Variants in SEMA6A observed in about 807,000 individuals in gnomAD.
SEMA6A encodes semaphorin 6A, also known as semaphorin-6A.
In SEMA6A, 25 loss-of-function variants were observed where a neutral mutation model predicts 96.8. That is an observed-to-expected ratio of 0.26 (90% confidence interval 0.19 to 0.36). The LOEUF (loss-of-function observed/expected upper bound fraction) is 0.36, where lower values mean the gene tolerates loss of function less well. SEMA6A is among the 10% of genes least tolerant of loss of function. The pLI, the probability that SEMA6A is intolerant of heterozygous loss-of-function variation, is 1.00. For missense variants in SEMA6A, 1,363 were observed against 1,323.1 expected (o/e 1.03, Z -0.47); for synonymous variants, 612 against 518.0 (o/e 1.18, Z -2.46).
intron 10 of SEMA6A, among the ~76,000 whole-genome samples, chr5:116,485,362 A>AAGAC (rs1452821976): frequency 6.6e-6 from 1 of 152,248 alleles, no homozygotes; most frequent in Admixed American, 6.5e-5. Context: ...TCCATGTGCC[A>AAGAC]AGACAGTATA....
chr5:116,486,250 A>G (rs571795997), intron 10 of SEMA6A, among the ~76,000 whole-genome samples: 15 of 152,184 alleles, frequency 9.9e-5, no homozygotes, highest in Non-Finnish European at 2.1e-4. Flanking sequence ...TACATTTCCA[A>G]TGTTTTAACT....
chr5:116,488,782 C>A, intron 8 of SEMA6A, 106 bp downstream of exon 8: 1 of 1,292,774 alleles, frequency 7.7e-7, no homozygotes, highest in South Asian at 2.0e-5. Flanking sequence ...CTGTCAGAAG[C>A]CATTACTCAA....
intron 1 of SEMA6A, among the ~76,000 whole-genome samples, chr5:116,515,478 A>G (rs187163865): frequency 1.3e-3 from 194 of 152,342 alleles, no homozygotes; most frequent in African/African-American, 3.8e-3. Context: ...AAATGAAGCA[A>G]ACTGCAAAAA....
chr5:116,502,772 G>C (rs1214358980), intron 2 of SEMA6A: 1 of 160,706 alleles, frequency 6.2e-6, no homozygotes, highest in African/African-American at 2.4e-5. Context: ...AATGTGGTCT[G>C]GAGGCGAGAG....
chr5:116,476,501 T>C (rs1231746287), intron 15 of SEMA6A, among the ~76,000 whole-genome samples: 4 of 152,142 alleles, frequency 2.6e-5, no homozygotes, highest in Admixed American at 2.6e-4. Flanking sequence ...CCTCAAAAGA[T>C]GAAGATTTCT....
intron 1 of SEMA6A, among the ~76,000 whole-genome samples, chr5:116,541,974 G>A (rs540010566): frequency 6.6e-6 from 1 of 152,342 alleles, no homozygotes; most frequent in Admixed American, 6.5e-5. Context: ...ATGTGCAGAA[G>A]CACATGTCAT....
At chr5:116,461,990 G>C (rs961750444) in intron 18 of SEMA6A, among the ~76,000 whole-genome samples, 6 of 152,058 alleles carry the variant, frequency 3.9e-5, no homozygotes, top group Non-Finnish European at 5.9e-5. Flanking sequence ...TTAAGCCCAA[G>C]TTTAAGAGTC....
chr5:116,495,292 G>C, intron 6 of SEMA6A, 121 bp downstream of exon 6: 1 of 725,240 alleles, frequency 1.4e-6, no homozygotes, highest in Non-Finnish European at 2.5e-6. Flanking sequence ...ACATTAAGTT[G>C]AACAAGTGAG....
chr5:116,553,739 G>T (rs1005927103), intron 1 of SEMA6A, among the ~76,000 whole-genome samples: 8 of 152,044 alleles, frequency 5.3e-5, no homozygotes, highest in Admixed American at 3.9e-4. Flanking sequence ...TGGGAAAGAG[G>T]GGGTGGATTC....
At chr5:116,519,856 T>G (rs965752546) in intron 1 of SEMA6A, among the ~76,000 whole-genome samples, 7 of 152,284 alleles carry the variant, frequency 4.6e-5, no homozygotes, top group African/African-American at 1.4e-4. Flanking sequence ...TAACCTAACC[T>G]CAGCTCCTGC....
chr5:116,528,770 G>A (rs1411968396), intron 1 of SEMA6A, among the ~76,000 whole-genome samples: 2 of 152,192 alleles, frequency 1.3e-5, no homozygotes, highest in Non-Finnish European at 2.9e-5. Context: ...TTTGTGCTAG[G>A]CAGATAGCCA....
chr5:116,471,743 G>A (rs145988923), intron 17 of SEMA6A: 1 of 152,294 alleles, frequency 6.6e-6, no homozygotes, highest in African/African-American at 2.4e-5. Context: ...CAGCTCCAAT[G>A]TATAAGCCAG....
At chr5:116,485,331 G>C (rs1415942392) in intron 10 of SEMA6A, among the ~76,000 whole-genome samples, 6 of 152,214 alleles carry the variant, frequency 3.9e-5, no homozygotes, top group Non-Finnish European at 8.8e-5. Flanking sequence ...ACTGGTCTTA[G>C]ATTCCGGTAG....
At chr5:116,478,932 G>A (rs1561484298) in intron 12 of SEMA6A, among the ~76,000 whole-genome samples, 1 of 18,732 alleles carries the variant, frequency 5.3e-5, no homozygotes, top group Non-Finnish European at 1.3e-4. Flanking sequence ...GTGAGAGAGT[G>A]TGTGTGTGTG....
At position 116,478,726 on chromosome 5, in the gene SEMA6A, G is replaced by A. The variant is rs1756596713; in HGVS notation, c.1251-8C>T. 1 of 1,610,610 alleles carries A rather than the reference G, an allele frequency of 6.2e-7. No homozygotes were observed. The highest frequency in any genetic ancestry group is 2.2e-5 in the East Asian group (1 of 44,800). On this transcript the variant is annotated splice_region_variant and splice_polypyrimidine_tract_variant and intron_variant, in intron 12 of 18. Transcript: ENST00000343348. ...ATTTTGGTAAGGCGGTATCTAAAAT[G>A]ACAGGACCACATTTCTTATCTCTTT... is the stretch of plus-strand genomic sequence containing the variant.
intron 18 of SEMA6A, among the ~76,000 whole-genome samples, chr5:116,466,561 G>C (rs1379216775): frequency 6.6e-6 from 1 of 152,116 alleles, no homozygotes; most frequent in African/African-American, 2.4e-5. Context: ...AAGCAAAAAA[G>C]CAGATGAAAA....
At chr5:116,484,789 TG>T (rs1204286147) in intron 10 of SEMA6A, among the ~76,000 whole-genome samples, 1 of 152,142 alleles carries the variant, frequency 6.6e-6, no homozygotes, top group Non-Finnish European at 1.5e-5. Context: ...GTTGGTCAGG[TG>T]GGCAAATCTC....
intron 11 of SEMA6A, among the ~76,000 whole-genome samples, chr5:116,482,225 G>C (rs560192680): frequency 6.6e-6 from 1 of 152,098 alleles, no homozygotes; most frequent in Non-Finnish European, 1.5e-5. Flanking sequence ...GTAGTGTTAC[G>C]TTGGATAAAT....
chr5:116,482,102 C>T (rs760548043), intron 11 of SEMA6A, among the ~76,000 whole-genome samples: 7 of 152,202 alleles, frequency 4.6e-5, no homozygotes, highest in East Asian at 1.9e-4. Flanking sequence ...AAAGAAGCAG[C>T]GGAAATCACC....
Sources: gnomAD v4.1 joint callset for allele counts (sites outside exome capture counted in the v4.1 genomes callset) on GRCh38, gnomAD v4.1.1 for gene constraint, MANE v1.5 for transcripts, NCBI Gene and HGNC (gene_info 2026-07-23, HGNC 2026-07-21) for gene names.